The following SPATA22 variants were observed in gnomAD, a reference collection of about 807,000 sequenced individuals.
SPATA22 encodes the protein spermatogenesis associated 22.
A neutral mutation model predicts 47.8 loss-of-function variants in SPATA22; 29 were observed. That is an observed-to-expected ratio of 0.61 (90% CI 0.45 to 0.83). The LOEUF (loss-of-function observed/expected upper bound fraction) is 0.83. Among genes scored for constraint, SPATA22 ranks in the 40% least tolerant of loss-of-function variants. The pLI is 0.00. For synonymous variants in SPATA22, 133 were observed against 140.9 expected, an observed-to-expected ratio of 0.94 and a Z score of 0.40; for missense variants, 410 against 421.7, an observed-to-expected ratio of 0.97 and a Z score of 0.24.
chr17:3,507,217 TAAC>T (rs958860737), intron 1 of SPATA22, among the ~76,000 whole-genome samples: 6 of 152,048 alleles, frequency 3.9e-5, no homozygotes, highest in African/African-American at 1.4e-4. Flanking sequence ...GGTTTTGAAA[TAAC>T]AAAATATGAT....
chr17:3,485,238 T>C lies in SPATA22; in HGVS notation c.-73-15840A>G, dbSNP rs1405761457. ...TCAGTATGATCAGGTCTCAAACTCC[T>C]GATTCAAGCGATCCTCCCACCTTGG... On this transcript the variant is annotated intron_variant, in intron 1 of 8. Transcript: ENST00000541913. This position sits in a 1 kb window ranked among gnomAD's most constrained non-coding sequence, Gnocchi z 4.4. 2.0e-5 allele frequency among the ~76,000 whole-genome samples: 3 copies of C among 152,128 alleles called. No individual in the cohort carries two copies. The highest frequency in any genetic ancestry group is 2.9e-5 in the Non-Finnish European group (2 of 68,016).
intron 3 of SPATA22, among the ~76,000 whole-genome samples, chr17:3,463,451 T>C (rs918911024): frequency 6.6e-6 from 1 of 152,102 alleles, no homozygotes; most frequent in African/African-American, 2.4e-5. Flanking sequence ...TATCTAAACA[T>C]ATCTAAACAT....
At chr17:3,453,268 A>T (rs2072905601) in intron 5 of SPATA22, among the ~76,000 whole-genome samples, 1 of 152,246 alleles carries the variant, frequency 6.6e-6, no homozygotes, top group Non-Finnish European at 1.5e-5. Flanking sequence ...CTGCACATGT[A>T]CCGCTTATAT....
chr17:3,478,524 T>G (rs527337757), intron 1 of SPATA22, among the ~76,000 whole-genome samples: 2 of 152,228 alleles, frequency 1.3e-5, no homozygotes, highest in Non-Finnish European at 2.9e-5. Flanking sequence ...CTAACTTCTA[T>G]ATTACAAGTA....
chr17:3,454,761 C>T (rs112262115), intron 5 of SPATA22, among the ~76,000 whole-genome samples: 2 of 151,994 alleles, frequency 1.3e-5, no homozygotes, highest in African/African-American at 4.8e-5. Flanking sequence ...AATAAACATG[C>T]GTGTGCATGT....
intron 1 of SPATA22, among the ~76,000 whole-genome samples, chr17:3,497,165 T>G: frequency 6.6e-6 from 1 of 152,156 alleles, no homozygotes; most frequent in Non-Finnish European, 1.5e-5. Flanking sequence ...CACCAGGTGA[T>G]TTTCATGTGG....
Position 3,471,760 on chromosome 17 carries a change from G to A in SPATA22, c.-152C>T, listed in dbSNP as rs933661814. On this transcript the variant is annotated 5_prime_UTR_variant, in exon 1 of 9. It adds an upstream start codon to the 5' untranslated region. Coordinates refer to ENST00000572969, the MANE Select transcript of SPATA22 (RefSeq NM_001170698.2). Reference sequence around the variant, plus strand: ...GTTTCCCTCGCCTCCGTCAACCGTCGTCCAGGCGGCCCCGTCAGCAACCGC... The same window carrying A: ...GTTTCCCTCGCCTCCGTCAACCGTCATCCAGGCGGCCCCGTCAGCAACCGC... 7.1e-6 allele frequency: 7 copies of A among 985,614 alleles called. No homozygotes were observed. The highest frequency in any genetic ancestry group is 3.5e-5 in the African/African-American group (2 of 57,328). The allele number at this position is 985,614 out of a possible 1,614,324, so 61.1% of individuals were successfully genotyped here.
intron 1 of SPATA22, among the ~76,000 whole-genome samples, chr17:3,492,079 G>A (rs547039086): frequency 3.3e-5 from 5 of 152,136 alleles, no homozygotes; most frequent in East Asian, 1.9e-4. Flanking sequence ...GTTTTGCCAC[G>A]TTGCCCAGGC....
chr17:3,478,208 T>A (rs576065737), intron 1 of SPATA22, among the ~76,000 whole-genome samples: 2 of 151,996 alleles, frequency 1.3e-5, no homozygotes, highest in African/African-American at 4.8e-5. Flanking sequence ...TATATATATA[T>A]AAGATATGCA....
At chr17:3,487,722 G>A in intron 1 of SPATA22, among the ~76,000 whole-genome samples, 1 of 152,148 alleles carries the variant, frequency 6.6e-6, no homozygotes, top group Admixed American at 6.5e-5. Context: ...GGATTATTAT[G>A]ATTGACTTAA....
intron 1 of SPATA22, among the ~76,000 whole-genome samples, chr17:3,506,743 C>T (rs1226679178): frequency 6.6e-6 from 1 of 152,116 alleles, no homozygotes; most frequent in Admixed American, 6.5e-5. Flanking sequence ...AGTTTGAGAC[C>T]AGCCTGGCCA....
At chr17:3,469,042 C>T (rs982527262) in intron 2 of SPATA22, 1 of 362,510 alleles carries the variant, frequency 2.8e-6, no homozygotes. Context: ...TAGAATAACT[C>T]AAGCACATCG....
chr17:3,440,571 T>C lies in SPATA22; in HGVS notation c.901-233A>G, dbSNP rs903329438. On this transcript the variant is annotated intron_variant, in intron 8 of 8. Coordinates refer to ENST00000572969, the MANE Select transcript of SPATA22 (RefSeq NM_001170698.2). ...CTCTTACAAGCTAGCAAGTTGTTGCTTCATCAAAGACTGAATAATCCCCAG... is the reference window on the plus strand; with the variant it reads ...CTCTTACAAGCTAGCAAGTTGTTGCCTCATCAAAGACTGAATAATCCCCAG... The C allele has an allele frequency of 1.8e-5, 6 of 333,340 alleles. No individual in the cohort carries two copies. In the East Asian group the frequency reaches 2.4e-4, roughly 14 times the overall value. 20.6% of individuals were successfully genotyped at this position (333,340 alleles called of 1,614,324 possible). A position where few individuals can be genotyped will look rare whatever the true frequency, so the allele number is the denominator to read the frequency against.
intron 1 of SPATA22, among the ~76,000 whole-genome samples, chr17:3,497,931 T>C (rs1009281401): frequency 6.6e-6 from 1 of 152,176 alleles, no homozygotes; most frequent in Non-Finnish European, 1.5e-5. Flanking sequence ...GAAGAACTGT[T>C]CTGGGGTTCC....
chr17:3,448,601 G>C (rs2072781070), intron 6 of SPATA22, among the ~76,000 whole-genome samples: 1 of 152,138 alleles, frequency 6.6e-6, no homozygotes, highest in Admixed American at 6.5e-5. Flanking sequence ...AAGTTTGAAA[G>C]GAAAAGGAGC....
chr17:3,467,611 G>A (rs2073346024), intron 2 of SPATA22, 57 bp from the exon 3 acceptor site: 5 of 1,437,532 alleles, frequency 3.5e-6, no homozygotes, highest in East Asian at 2.4e-5. Context: ...AGATCTAGTT[G>A]TAAAATAATT....
At chr17:3,447,264 GTTC>G (rs1386018863) in intron 6 of SPATA22, among the ~76,000 whole-genome samples, 2 of 152,086 alleles carry the variant, frequency 1.3e-5, no homozygotes, top group African/African-American at 4.8e-5. Flanking sequence ...AGATGGAAAT[GTTC>G]TTAGCATTTT....
chr17:3,487,385 A>G (rs2029350), intron 1 of SPATA22, among the ~76,000 whole-genome samples: 36,616 of 152,116 alleles, frequency 0.24, 4,739 homozygotes, highest in East Asian at 0.46. Context: ...AATTATTTAC[A>G]ATGAGCTTAA....
At chr17:3,503,519 A>C (rs1197799689) in intron 1 of SPATA22, 1 of 145,922 alleles carries the variant, frequency 6.9e-6, no homozygotes, top group Non-Finnish European at 1.5e-5. Flanking sequence ...TTTCTAGGTC[A>C]GCTTTTTCCA....
Sources: gnomAD v4.1 joint callset for allele counts (sites outside exome capture counted in the v4.1 genomes callset) on GRCh38, gnomAD v4.1.1 for gene constraint, Gnocchi (gnomAD v3.1) non-coding constraint, MANE v1.5 for transcripts, NCBI Gene and HGNC (gene_info 2026-07-23, HGNC 2026-07-21) for gene names.